Variants in AOPEP observed in about 807,000 individuals in gnomAD.
AOPEP encodes the protein aminopeptidase O (putative), also known as aminopeptidase O.
A neutral mutation model predicts 98.1 loss-of-function variants in AOPEP; 77 were observed. That is an observed-to-expected ratio of 0.78 (90% CI 0.65 to 0.95). AOPEP has a LOEUF of 0.95. Ranked by LOEUF, AOPEP falls within the 40% of genes least tolerant of loss-of-function variation. AOPEP has a pLI of 0.00. For missense variants in AOPEP, 1,024 were observed against 1,024.7 expected (o/e 1.00, Z 0.01); for synonymous variants, 346 against 365.3 (o/e 0.95, Z 0.60).
At chr9:95,114,401 C>T in the AOPEP span, 2 of 599,386 alleles carry the variant, frequency 3.3e-6, no homozygotes, top group South Asian at 1.8e-5. Flanking sequence ...CATTTCGATA[C>T]AGGTATTGGC....
chr9:94,915,521 C>T (rs567397111), intron 5 of AOPEP, among the ~76,000 whole-genome samples: 2 of 152,110 alleles, frequency 1.3e-5, no homozygotes, highest in Admixed American at 6.5e-5. Flanking sequence ...CCGCTCTTGC[C>T]TCCACCCCGA....
At chr9:94,745,330 G>A (rs527839236) in intron 1 of AOPEP, among the ~76,000 whole-genome samples, 2 of 150,894 alleles carry the variant, frequency 1.3e-5, no homozygotes, top group Non-Finnish European at 2.9e-5. Flanking sequence ...AGGCTGGAGT[G>A]CAATGGGTGA....
chr9:94,887,842 A>G (rs533765665), intron 5 of AOPEP, among the ~76,000 whole-genome samples: 2 of 152,164 alleles, frequency 1.3e-5, no homozygotes, highest in Non-Finnish European at 2.9e-5. Flanking sequence ...GTCCATACAG[A>G]GAAACTAGGG....
At chr9:94,861,936 TGTTGTTTG>T (rs888500292) in intron 5 of AOPEP, among the ~76,000 whole-genome samples, 1 of 152,236 alleles carries the variant, frequency 6.6e-6, no homozygotes, top group Non-Finnish European at 1.5e-5. Flanking sequence ...CAGAGTTGTT[TGTTGTTTG>T]GTTGGATTTT....
chr9:95,134,598 G>A, the AOPEP span, among the ~76,000 whole-genome samples: 1 of 152,232 alleles, frequency 6.6e-6, no homozygotes, highest in Non-Finnish European at 1.5e-5. Flanking sequence ...GAGGCTGCGG[G>A]ACCATGGCAC....
At chr9:95,130,933 T>C in the AOPEP span, among the ~76,000 whole-genome samples, 13 of 152,302 alleles carry the variant, frequency 8.5e-5, no homozygotes, top group Middle Eastern at 3.4e-3. Flanking sequence ...ATTATGCCAT[T>C]TGCTTCTTTT....
At chr9:94,742,535 A>G (rs193047824) in intron 1 of AOPEP, among the ~76,000 whole-genome samples, 95 of 152,104 alleles carry the variant, frequency 6.2e-4, no homozygotes, top group African/African-American at 2.2e-3. Flanking sequence ...CCCAGGTTCA[A>G]GTGATTCCCC....
intron 7 of AOPEP, among the ~76,000 whole-genome samples, chr9:94,951,906 C>G (rs1020114969): frequency 6.6e-6 from 1 of 152,194 alleles, no homozygotes; most frequent in Non-Finnish European, 1.5e-5. Flanking sequence ...CAAAAGCTTT[C>G]CCAGAACCCC....
At chr9:95,006,855 A>G (rs969975401) in intron 13 of AOPEP, among the ~76,000 whole-genome samples, 1 of 151,666 alleles carries the variant, frequency 6.6e-6, no homozygotes, top group African/African-American at 2.4e-5. Context: ...AAGGAAAAGA[A>G]TTATGGCTTG....
At chr9:94,940,202 C>T (rs944654149) in intron 7 of AOPEP, among the ~76,000 whole-genome samples, 3 of 152,210 alleles carry the variant, frequency 2.0e-5, no homozygotes, top group African/African-American at 7.2e-5. Context: ...ACAATAGTTT[C>T]TACCTTATAG....
intron 1 of AOPEP, among the ~76,000 whole-genome samples, chr9:94,734,793 A>T (rs1831357550): frequency 6.6e-6 from 1 of 152,240 alleles, no homozygotes; most frequent in Admixed American, 6.5e-5. Flanking sequence ...AGAATGAGTG[A>T]AAACTTCATT....
At chr9:94,929,816 A>C (rs985127422) in intron 7 of AOPEP, among the ~76,000 whole-genome samples, 7 of 152,260 alleles carry the variant, frequency 4.6e-5, no homozygotes, top group African/African-American at 1.7e-4. Context: ...GGTGATGTCC[A>C]TACTAACTGG....
rs190599123 is a variant in AOPEP, at chr9:95,079,039, C to G, written c.2233-1655C>G. On this transcript the variant is annotated intron_variant, in intron 14 of 16. Coordinates refer to ENST00000375315, the MANE Select transcript of AOPEP (RefSeq NM_001193329.3). ...TGGAAAGATTTTGCCGTCCCAGCCT[C>G]CTTCCCTTTTGCTCTGAGGGCAGAG... Among the ~76,000 whole-genome samples the G allele has an allele frequency of 2.6e-5, 4 of 152,342 alleles. No individual in the cohort carries two copies. In the East Asian group the frequency reaches 7.7e-4, roughly 29 times the overall value.
chr9:95,071,803 C>G (rs929864214), intron 14 of AOPEP, among the ~76,000 whole-genome samples: 36 of 152,178 alleles, frequency 2.4e-4, no homozygotes, highest in African/African-American at 8.4e-4. Flanking sequence ...TTTTCAGACT[C>G]TGTCTCCAGT....
At chr9:94,968,489 G>A (rs539981662) in intron 10 of AOPEP, among the ~76,000 whole-genome samples, 13 of 152,084 alleles carry the variant, frequency 8.5e-5, no homozygotes, top group Admixed American at 4.6e-4. Context: ...TGATCCGCCC[G>A]CCTCAGCCTC....
intron 13 of AOPEP, among the ~76,000 whole-genome samples, chr9:95,032,504 C>A (rs2064401987): frequency 6.6e-6 from 1 of 152,256 alleles, no homozygotes. Context: ...ACGTTCTCCT[C>A]TGTCCTATGG....
intron 10 of AOPEP, among the ~76,000 whole-genome samples, chr9:94,975,822 G>C (rs958206240): frequency 1.3e-5 from 2 of 152,224 alleles, no homozygotes; most frequent in African/African-American, 4.8e-5. Context: ...GGCAGGGCCC[G>C]GTAGCAGGGA....
At chr9:94,937,988 C>T (rs1243006759) in intron 7 of AOPEP, among the ~76,000 whole-genome samples, 4 of 152,186 alleles carry the variant, frequency 2.6e-5, no homozygotes, top group Non-Finnish European at 2.9e-5. Context: ...ATTCTCCTGC[C>T]TCAGCCTCCC....
chr9:94,825,556 G>A (rs1410081272), intron 5 of AOPEP, among the ~76,000 whole-genome samples: 3 of 152,224 alleles, frequency 2.0e-5, no homozygotes, highest in Admixed American at 6.5e-5. Context: ...CCAGGGGAGC[G>A]CCCTCCCTAG....
Sources: gnomAD v4.1 joint callset for allele counts (sites outside exome capture counted in the v4.1 genomes callset) on GRCh38, gnomAD v4.1.1 for gene constraint, MANE v1.5 for transcripts, NCBI Gene and HGNC (gene_info 2026-07-23, HGNC 2026-07-21) for gene names.